MPDU1: variants seen among roughly 807,000 people sequenced by gnomAD.
MPDU1 encodes the protein mannose-P-dolichol utilization defect 1.
MPDU1 carries 18 observed loss-of-function variants against 27.6 expected under a neutral mutation model. The ratio of observed to expected loss-of-function variants is 0.65; its 90% CI spans 0.45 to 0.97. The LOEUF is 0.97. Ranked by LOEUF, MPDU1 falls within the 50% of genes least tolerant of loss-of-function variation. The pLI, the probability that MPDU1 is intolerant of heterozygous loss-of-function variation, is 0.00. For synonymous variants in MPDU1, 142 were observed against 131.1 expected (o/e 1.08, Z -0.57); for missense variants, 279 against 297.4 (o/e 0.94, Z 0.46).
chr17:7,586,007 G>T lies in MPDU1; in HGVS notation c.231G>T (p.Gln77His), dbSNP rs1462452560. The T allele has an allele frequency of 3.1e-6, 5 of 1,614,050 alleles. No homozygotes were observed. The highest frequency in any genetic ancestry group is 1.3e-5 in the African/African-American group (1 of 74,900). The change falls in exon 3 of 7, where the codon CAG (glutamine) becomes CAT (histidine). Residue 77 changes from glutamine (Q) to histidine (H), a missense_variant. Transcript: ENST00000250124. Reference protein sequence around the residue: ...GAKSAEGLSLQSVMLELVALT... With the variant: ...GAKSAEGLSLHSVMLELVALT... ...AGAGTGCTGAAGGGTTGAGTCTCCA[G>T]TCTGTAATGCTGGAGCTAGTGGCAT...
chr17:7,587,067 G>GGGGGGCA, intron 5 of MPDU1, 50 bp downstream of exon 5: 1 of 1,041,360 alleles, frequency 9.6e-7, no homozygotes, highest in Non-Finnish European at 1.4e-6. Flanking sequence ...GGGTGGGGGG[G>GGGGGGCA]AAGAGTAGAA....
In MPDU1 at chr17:7,586,749, C is replaced by A; in HGVS notation, c.360C>A (p.Val120=). The A allele has an allele frequency of 6.2e-7, 1 of 1,614,096 alleles. No homozygotes were observed. Among genetic ancestry groups the A allele is most frequent in the South Asian group, 1.1e-5 (1 of 91,056 alleles). The change falls in exon 4 of 7, where the codon GTC becomes GTA. Residue 120 remains valine (V), a synonymous_variant. Transcript: ENST00000250124. ...AGACGATCACCATCTGCTTCCTGGT[C>A]ATGCACTACAGAGGACAGACTGTGA... is the stretch of plus-strand genomic sequence containing the variant. ...MLQTITICFL[V]MHYRGQTVKG...
intron 1 of MPDU1, 175 bp from the exon 2 acceptor site, chr17:7,585,557 G>A: frequency 1.6e-6 from 1 of 618,330 alleles, no homozygotes; most frequent in Non-Finnish European, 2.9e-6. Context: ...AAAAAGTGTG[G>A]TGGTTTGGAG....
chr17:7,583,705 C>T (rs535522165), upstream of MPDU1: 2 of 822,722 alleles, frequency 2.4e-6, no homozygotes, highest in East Asian at 4.8e-5. Context: ...ACTTATTTTA[C>T]GCCACTAGAG....
At chr17:7,586,176 T>C (rs545043613) in intron 3 of MPDU1, 98 bp downstream of exon 3, 155 of 1,478,786 alleles carry the variant, frequency 1.0e-4, no homozygotes, top group South Asian at 1.2e-5. Context: ...CCGGGCCCAG[T>C]GGCTTGCACC....
Position 7,586,097 on chromosome 17 carries a change from C to A in MPDU1, c.302+19C>A. ...CATTCAGGTGAGGGGCCCACCCTTC[C>A]ACCCCAAGGGTAATACCCACAACTC... On this transcript the variant is annotated intron_variant, in intron 3 of 6. Transcript: ENST00000250124. 2 of 1,612,804 alleles carry A rather than the reference C, an allele frequency of 1.2e-6. No individual in the cohort carries two copies. Among genetic ancestry groups the A allele is most frequent in the Non-Finnish European group, 1.7e-6 (2 of 1,179,844 alleles).
chr17:7,585,629 C>A (rs1306558477), intron 1 of MPDU1, 103 bp from the exon 2 acceptor site: 2 of 1,103,936 alleles, frequency 1.8e-6, no homozygotes, highest in Non-Finnish European at 1.4e-6. Flanking sequence ...CAATGCAAGA[C>A]CCTGGTGTGG....
upstream of MPDU1, chr17:7,583,754 G>A (rs762622326): frequency 4.4e-6 from 5 of 1,139,546 alleles, no homozygotes; most frequent in South Asian, 6.1e-5. Context: ...GGCACGGGGC[G>A]GGCCAGCTTC....
At chr17:7,585,554 G>A in intron 1 of MPDU1, 178 bp from the exon 2 acceptor site, 1 of 606,638 alleles carries the variant, frequency 1.6e-6, no homozygotes, top group Non-Finnish European at 2.9e-6. Flanking sequence ...AAAAAAAAGT[G>A]TGGTGGTTTG....
rs549632622 is a variant in MPDU1 at position 7,586,529 on chromosome 17, G to A, written c.303-163G>A. ...CCAGTGGAGGTGATCTTGAGAAGGG[G>A]TGAGCATCCCGAGAATGGCCACGAT... On this transcript the variant is annotated intron_variant, in intron 3 of 6. Transcript: ENST00000250124. 5.6e-6 allele frequency: 4 copies of A among 715,618 alleles called. No homozygotes were observed. The South Asian group carries it at 5.9e-5, about 11-fold the overall frequency. The allele number at this position is 715,618 out of a possible 1,614,324, so 44.3% of individuals were successfully genotyped here.
chr17:7,585,007 GA>G (rs775480623), intron 1 of MPDU1, among the ~76,000 whole-genome samples: 37 of 148,544 alleles, frequency 2.5e-4, no homozygotes, highest in East Asian at 1.6e-3. Context: ...ATTAAAATAA[GA>G]AAAAAAAAAT....
intron 1 of MPDU1, 151 bp downstream of exon 1, chr17:7,584,116 C>A: frequency 2.5e-6 from 2 of 789,582 alleles, no homozygotes; most frequent in South Asian, 1.4e-5. Context: ...GTGTCTCGGG[C>A]TCCTTAGAGG....
chr17:7,583,674 A>G (rs1438035484), upstream of MPDU1: 2 of 755,264 alleles, frequency 2.6e-6, no homozygotes, highest in Non-Finnish European at 4.7e-6. Flanking sequence ...CAGCGCGTCC[A>G]AAACGTGGTC....
At chr17:7,585,914 C>T (rs772752018) in intron 2 of MPDU1, 32 bp from the exon 3 acceptor site, 3 of 1,613,938 alleles carry the variant, frequency 1.9e-6, no homozygotes, top group African/African-American at 1.3e-5. Context: ...AATGGAGAGT[C>T]CTCAGTCCTA....
In MPDU1 at chr17:7,587,865, C is replaced by G; in HGVS notation, c.*314C>G. ...AGCAGCAATTTCCAGCTGTGTAACA[C>G]TATCCTGGGCAAATGTTTTACCCTG... On this transcript the variant is annotated 3_prime_UTR_variant, in exon 7 of 7. Coordinates refer to ENST00000250124, the MANE Select transcript of MPDU1 (RefSeq NM_004870.4). The G allele has an allele frequency of 1.9e-6, 1 of 513,074 alleles. No individual in the cohort carries two copies. The highest frequency in any genetic ancestry group is 3.8e-6 in the Non-Finnish European group (1 of 265,850). 31.8% of individuals were successfully genotyped at this position (513,074 alleles called of 1,614,324 possible).
intron 6 of MPDU1, 58 bp downstream of exon 6, chr17:7,587,329 T>C: frequency 2.5e-6 from 4 of 1,613,004 alleles, no homozygotes; most frequent in East Asian, 2.2e-5. Context: ...TTCTCCCAGC[T>C]AAGGGCCAAA....
chr17:7,587,067 G>GGGGGCC, intron 5 of MPDU1, 50 bp downstream of exon 5: 1 of 1,041,354 alleles, frequency 9.6e-7, no homozygotes, highest in Non-Finnish European at 1.4e-6. Flanking sequence ...GGGTGGGGGG[G>GGGGGCC]AAGAGTAGAA....
At chr17:7,585,206 G>A (rs986265628) in intron 1 of MPDU1, among the ~76,000 whole-genome samples, 3 of 152,056 alleles carry the variant, frequency 2.0e-5, no homozygotes, top group Non-Finnish European at 1.5e-5. Flanking sequence ...TTGGATGTGG[G>A]GGGTGGTAGG....
intron 1 of MPDU1, among the ~76,000 whole-genome samples, chr17:7,584,840 A>C (rs953110351): frequency 5.3e-5 from 8 of 152,202 alleles, no homozygotes; most frequent in Admixed American, 4.6e-4. Context: ...AAAAATACAA[A>C]AAATTAGCCG....
Sources: allele counts gnomAD v4.1 joint callset (sites outside exome capture counted in the v4.1 genomes callset), GRCh38; gene constraint gnomAD v4.1.1; transcripts MANE v1.5; gene names NCBI Gene and HGNC (gene_info 2026-07-23, HGNC 2026-07-21).